Variants in DNAJC1 observed in about 807,000 individuals in gnomAD.
DNAJC1 encodes dnaJ homolog subfamily C member 1.
Under a neutral mutation model 76.6 loss-of-function variants are expected in DNAJC1, and 58 were observed. The ratio of observed to expected loss-of-function variants is 0.76; its 90% CI spans 0.61 to 0.94. The LOEUF is 0.94. Ranked by LOEUF, DNAJC1 falls within the 40% of genes least tolerant of loss-of-function variation. The pLI is 0.00. For synonymous variants in DNAJC1, 258 were observed against 267.9 expected (o/e 0.96, Z 0.36); for missense variants, 689 against 677.3 (o/e 1.02, Z -0.19).
At chr10:21,904,132 A>C (rs1324308589) in intron 7 of DNAJC1, among the ~76,000 whole-genome samples, 1 of 152,174 alleles carries the variant, frequency 6.6e-6, no homozygotes, top group Non-Finnish European at 1.5e-5. Flanking sequence ...TCAAAACAAA[A>C]ATCATTGGTA....
At chr10:21,872,783 T>C (rs1836124610) in intron 8 of DNAJC1, among the ~76,000 whole-genome samples, 1 of 152,174 alleles carries the variant, frequency 6.6e-6, no homozygotes, top group African/African-American at 2.4e-5. Flanking sequence ...AATAATGGTC[T>C]AAATCTTCCA....
intron 1 of DNAJC1, 129 bp from the exon 2 acceptor site, chr10:21,929,270 T>C (rs543188357): frequency 3.8e-5 from 24 of 627,562 alleles, no homozygotes; most frequent in Non-Finnish European, 6.3e-5. Context: ...ATTTGAGCAA[T>C]CAGTCTTAAC....
chr10:21,906,646 G>A lies in DNAJC1; in HGVS notation c.730-2034C>T, dbSNP rs138585440. Among the ~76,000 whole-genome samples the A allele has an allele frequency of 3.9e-5, 6 of 152,212 alleles. No individual in the cohort carries two copies. In the East Asian group the frequency reaches 1.2e-3, roughly 29 times the overall value. On this transcript the variant is annotated intron_variant, in intron 6 of 11. Transcript: ENST00000376980. ...GCACAGTGAAATATGGTGATTAAGA[G>A]GACAGATTTGGAGCCAGACTATCTG... is the stretch of plus-strand genomic sequence containing the variant.
chr10:21,766,970 A>T (rs1241962929), intron 9 of DNAJC1, among the ~76,000 whole-genome samples: 1 of 132,454 alleles, frequency 7.5e-6, no homozygotes, highest in Non-Finnish European at 1.7e-5. Flanking sequence ...ACCCTGCCTA[A>T]AAAAAAAAAA....
chr10:21,971,114 G>A (rs1837970096), intron 1 of DNAJC1, among the ~76,000 whole-genome samples: 1 of 151,336 alleles, frequency 6.6e-6, no homozygotes, highest in Non-Finnish European at 1.5e-5. Context: ...AGTTTTTCCT[G>A]ATATGACACT....
At chr10:21,957,100 C>T (rs1837700946) in intron 1 of DNAJC1, among the ~76,000 whole-genome samples, 1 of 151,966 alleles carries the variant, frequency 6.6e-6, no homozygotes, top group Admixed American at 6.6e-5. Context: ...CCATCTTGGC[C>T]AGGCTGGTCT....
chr10:21,776,545 T>C (rs1834455864), intron 9 of DNAJC1, among the ~76,000 whole-genome samples: 1 of 152,216 alleles, frequency 6.6e-6, no homozygotes, highest in Non-Finnish European at 1.5e-5. Flanking sequence ...ACAAGGCATG[T>C]TCTGTTACCT....
At chr10:21,910,619 C>T (rs1435966894) in intron 6 of DNAJC1, among the ~76,000 whole-genome samples, 2 of 151,832 alleles carry the variant, frequency 1.3e-5, no homozygotes, top group South Asian at 4.2e-4. Context: ...AATGAGAATA[C>T]GTGGACACAA....
chr10:21,963,445 A>C (rs774219390), intron 1 of DNAJC1, among the ~76,000 whole-genome samples: 8 of 152,242 alleles, frequency 5.3e-5, no homozygotes, highest in Admixed American at 1.3e-4. Flanking sequence ...TGCCTAGATT[A>C]AAGGGTTAAA....
At chr10:21,953,821 T>TAAA (rs779370823) in intron 1 of DNAJC1, among the ~76,000 whole-genome samples, 175 of 84,498 alleles carry the variant, frequency 2.1e-3, no homozygotes, top group Admixed American at 2.3e-3. Context: ...AACTGAACTT[T>TAAA]AAAAAAAAAA....
At chr10:21,852,497 ACT>A (rs1835772069) in intron 8 of DNAJC1, among the ~76,000 whole-genome samples, 1 of 152,036 alleles carries the variant, frequency 6.6e-6, no homozygotes. Flanking sequence ...ATTTTTAAAA[ACT>A]CTTATAGCAA....
chr10:21,874,910 T>C (rs1258302300), intron 8 of DNAJC1, among the ~76,000 whole-genome samples: 6 of 152,198 alleles, frequency 3.9e-5, no homozygotes, highest in Non-Finnish European at 5.9e-5. Context: ...TGATGGAGTC[T>C]TGCTCTGTCA....
At position 21,929,652 on chromosome 10, in the gene DNAJC1, A is replaced by G. The variant is rs1590053771; in HGVS notation, c.223-511T>C. Among the ~76,000 whole-genome samples the G allele has an allele frequency of 2.0e-5, 3 of 152,204 alleles. No individual in the cohort carries two copies. The East Asian group carries it at 5.8e-4, about 29-fold the overall frequency. ...CATGTCAAAAAGCATGCCTATCTGA[A>G]GGGAGTTAAATTAGCATTTATCAAA... On this transcript the variant is annotated intron_variant, in intron 1 of 11. Transcript: ENST00000376980.
intron 1 of DNAJC1, among the ~76,000 whole-genome samples, chr10:22,002,167 T>G (rs1160052176): frequency 6.6e-6 from 1 of 152,238 alleles, no homozygotes; most frequent in Admixed American, 6.5e-5. Flanking sequence ...GAAGGGGATG[T>G]GCATTTCATA....
chr10:21,922,938 C>A (rs1489313358), intron 3 of DNAJC1, among the ~76,000 whole-genome samples: 1 of 151,922 alleles, frequency 6.6e-6, no homozygotes, highest in Non-Finnish European at 1.5e-5. Context: ...ATTAAATTTG[C>A]TTTGGGTATA....
chr10:21,984,852 C>T (rs552054769), intron 1 of DNAJC1, among the ~76,000 whole-genome samples: 1 of 152,252 alleles, frequency 6.6e-6, no homozygotes, highest in East Asian at 1.9e-4. Context: ...ATAGATGCAA[C>T]AGTAGAAATA....
chr10:21,907,751 C>T (rs892435557), intron 6 of DNAJC1, among the ~76,000 whole-genome samples: 10 of 151,054 alleles, frequency 6.6e-5, no homozygotes, highest in South Asian at 4.2e-4. Context: ...CCCAGGTGGG[C>T]GGATCACTTG....
chr10:21,908,055 T>TATATA (rs576425537), intron 6 of DNAJC1, among the ~76,000 whole-genome samples: 1 of 117,736 alleles, frequency 8.5e-6, no homozygotes, highest in African/African-American at 3.3e-5. Context: ...TATATAAATA[T>TATATA]ATATAATATA....
At chr10:21,987,565 T>A (rs1311393813) in intron 1 of DNAJC1, among the ~76,000 whole-genome samples, 7 of 152,208 alleles carry the variant, frequency 4.6e-5, no homozygotes, top group Non-Finnish European at 1.0e-4. Context: ...TTGCAAGCAC[T>A]TTTATTGATC....
Sources: gnomAD v4.1 joint callset for allele counts (sites outside exome capture counted in the v4.1 genomes callset) on GRCh38, gnomAD v4.1.1 for gene constraint, MANE v1.5 for transcripts, NCBI Gene and HGNC (gene_info 2026-07-23, HGNC 2026-07-21) for gene names.